SPTBN2: variants seen among roughly 807,000 people sequenced by gnomAD.
SPTBN2 encodes the protein spectrin beta, non-erythrocytic 2, also known as spectrin beta chain, non-erythrocytic 2.
A neutral mutation model predicts 284.2 loss-of-function variants in SPTBN2; 107 were observed. The observed-to-expected ratio is 0.38, with a 90% confidence interval of 0.32 to 0.44. The LOEUF is 0.44. SPTBN2 is among the 20% of genes least tolerant of loss of function. The pLI is 1.00. For synonymous variants in SPTBN2, 1,289 were observed against 1,354.8 expected, an observed-to-expected ratio of 0.95 and a Z score of 1.07; for missense variants, 2,569 against 3,287.1, an observed-to-expected ratio of 0.78 and a Z score of 5.34.
At chr11:66,699,720 G>A in intron 17 of SPTBN2, 112 bp from the exon 18 acceptor site, 2 of 1,098,866 alleles carry the variant, frequency 1.8e-6, no homozygotes, top group Admixed American at 1.8e-5. Flanking sequence ...CAGACAGGGA[G>A]GGTAGCCCAG....
rs1376794806 is a variant in SPTBN2, at chr11:66,704,850, T to C, written c.2426A>G (p.Gln809Arg). 6.2e-7 allele frequency: 1 copy of C among 1,609,492 alleles called. No homozygotes were observed. Among genetic ancestry groups the C allele is most frequent in the African/African-American group, 1.3e-5 (1 of 75,044 alleles). Residue 809 changes from glutamine (Q) to arginine (R), a missense_variant, in exon 15 of 38, where the codon CAG becomes CGG. By Grantham distance (43) the Gln-to-Arg change is conservative. This residue lies in a region of SPTBN2 where 1,012 missense variants were observed against 1,248.9 expected (regional missense o/e 0.81). Transcript: ENST00000533211. The stretch of plus-strand genomic sequence containing the variant: ...CAGTGTGGGGGGCAGGGCTGCTGCC[T>C]GTTCCCTCAAGGCGTCCAGGGTTGG... ...HRPTLDALREQAAALPPTLSR... is the reference protein window; with the variant it reads ...HRPTLDALRERAAALPPTLSR...
rs778639506 is a variant in SPTBN2 at position 66,700,515 on chromosome 11, T to C, written c.3573+11A>G. 1.2e-6 allele frequency: 2 copies of C among 1,602,312 alleles called. No individual in the cohort carries two copies. Among genetic ancestry groups the C allele is most frequent in the Non-Finnish European group, 1.7e-6 (2 of 1,179,962 alleles). Reference sequence around the variant, plus strand: ...CTTCCTCCTGCTTGGGACTTTGCCCTGGACTTTCACCTGGCTGCTGAGCAC... The same window carrying C: ...CTTCCTCCTGCTTGGGACTTTGCCCCGGACTTTCACCTGGCTGCTGAGCAC... On this transcript the variant is annotated intron_variant, in intron 17 of 37. Coordinates refer to ENST00000533211, the MANE Select transcript of SPTBN2 (RefSeq NM_006946.4). The surrounding 1 kb of genome is among the most constrained non-coding windows in gnomAD (Gnocchi z 6.6).
chr11:66,685,877 GTTC>G lies in SPTBN2; in HGVS notation c.7164_7166del (p.Lys2388del), dbSNP rs1295484758. 1.2e-6 allele frequency: 2 copies of G among 1,613,776 alleles called. No individual in the cohort carries two copies. Among genetic ancestry groups the G allele is most frequent in the Non-Finnish European group, 8.5e-7 (1 of 1,180,004 alleles). ...CCTGGGACCTTGCCCCCAACTACTT[GTTC>G]TTCTTAAAGAAGCTGAAGCGTTTTT... On this transcript the variant is annotated inframe_deletion, in exon 38 of 38. Transcript: ENST00000533211. The surrounding 1 kb of genome is among the most constrained non-coding windows in gnomAD (Gnocchi z 4.4).
rs998181506 is a variant in SPTBN2 at position 66,683,878 on chromosome 11, C to T, written c.*1993G>A. 2.0e-5 allele frequency among the ~76,000 whole-genome samples: 3 copies of T among 152,194 alleles called. No homozygotes were observed. Among genetic ancestry groups the T allele is most frequent in the African/African-American group, 7.2e-5 (3 of 41,448 alleles). ...GACTGTCTCTTCAGTGGAGATTTTA[C>T]AGTTGTATTTGAAGAAAAGATGCTG... On this transcript the variant is annotated 3_prime_UTR_variant, in exon 38 of 38. Coordinates refer to ENST00000533211, the MANE Select transcript of SPTBN2 (RefSeq NM_006946.4).
rs774925035 is a variant in SPTBN2 at position 66,704,973 on chromosome 11, C to T, written c.2303G>A (p.Arg768His). The T allele has an allele frequency of 3.1e-6, 5 of 1,608,098 alleles. No individual in the cohort carries two copies. The highest frequency in any genetic ancestry group is 4.2e-6 in the Non-Finnish European group (5 of 1,179,882). The change falls in exon 15 of 38, where the codon CGC (arginine) becomes CAC (histidine). Residue 768 changes from arginine (R) to histidine (H), a missense_variant. Transcript: ENST00000533211. The stretch of plus-strand genomic sequence containing the variant: ...CCCCAGCTCGGGGCTGGACACCAGG[C>T]GCAGTGCGTCAACCAACCAGGCCTC... ...DMEAWLVDAL[R>H]LVSSPELGHD...
upstream of SPTBN2, among the ~76,000 whole-genome samples, chr11:66,732,383 C>A (rs1023282171): frequency 6.6e-6 from 1 of 152,202 alleles, no homozygotes; most frequent in Non-Finnish European, 1.5e-5. Context: ...TGCAGTGGCT[C>A]ACGACTTTGT....
In SPTBN2 at chr11:66,684,462, C is replaced by A. The variant is rs968367580; in HGVS notation, c.*1409G>T. ...CGACCTGGGCAACATAGTGAGACCC[C>A]GTCTCTACAAAAAACAAACAGACTT... On this transcript the variant is annotated 3_prime_UTR_variant, in exon 38 of 38. Coordinates refer to ENST00000533211, the MANE Select transcript of SPTBN2 (RefSeq NM_006946.4). Among the ~76,000 whole-genome samples, 1 of 151,902 alleles carries A rather than the reference C, an allele frequency of 6.6e-6. No individual in the cohort carries two copies. Among genetic ancestry groups the A allele is most frequent in the East Asian group, 1.9e-4 (1 of 5,190 alleles).
chr11:66,728,987 T>C lies in SPTBN2; in HGVS notation c.-360A>G, dbSNP rs990365227. The C allele has an allele frequency of 6.6e-6, 1 of 151,032 alleles. No individual in the cohort carries two copies. The highest frequency in any genetic ancestry group is 1.5e-5 in the Non-Finnish European group (1 of 68,022). The allele number at this position is 151,032 out of a possible 1,614,324, so 9.4% of individuals were successfully genotyped here. ...CATGGCACAGTGAAGATTCGTCTTC[T>C]ACAGATCAGATGCTCCAAACAGGCA... On this transcript the variant is annotated 5_prime_UTR_variant, in exon 1 of 38. Transcript: ENST00000533211.
In SPTBN2 at chr11:66,710,005, C is replaced by T. The variant is rs755612783; in HGVS notation, c.1073+577G>A. 4.6e-5 allele frequency among the ~76,000 whole-genome samples: 7 copies of T among 152,186 alleles called. No individual in the cohort carries two copies. Among genetic ancestry groups the T allele is most frequent in the South Asian group, 2.1e-4 (1 of 4,820 alleles). On this transcript the variant is annotated intron_variant, in intron 10 of 37. Coordinates refer to ENST00000533211, the MANE Select transcript of SPTBN2 (RefSeq NM_006946.4). The surrounding 1 kb of genome is among the most constrained non-coding windows in gnomAD (Gnocchi z 4.9). ...TGATCAGTAATCTTATCTGATGGAT[C>T]GCACTGACTCAACACATCATAGCAA...
rs1940702102 is a variant in SPTBN2, at chr11:66,693,451, C to T, written c.4594-5G>A. ...CTGAATCTCTTTCTGCAGGGTCTGCCCATGGCCACAGAAGAGAAAATGCTG... is the reference window on the plus strand; with the variant it reads ...CTGAATCTCTTTCTGCAGGGTCTGCTCATGGCCACAGAAGAGAAAATGCTG... On this transcript the variant is annotated splice_region_variant and splice_polypyrimidine_tract_variant and intron_variant, in intron 23 of 37. Transcript: ENST00000533211. This position sits in a 1 kb window ranked among gnomAD's most constrained non-coding sequence, Gnocchi z 5.7. 2 of 1,597,840 alleles carry T rather than the reference C, an allele frequency of 1.3e-6. No homozygotes were observed. The highest frequency in any genetic ancestry group is 1.7e-6 in the Non-Finnish European group (2 of 1,179,284).
chr11:66,688,505 T>C, intron 31 of SPTBN2, 148 bp downstream of exon 31: 2 of 1,433,186 alleles, frequency 1.4e-6, no homozygotes, highest in Admixed American at 2.0e-5. Flanking sequence ...TGACACCTCC[T>C]AAAGGTGTGG....
intron 26 of SPTBN2, 147 bp downstream of exon 26, chr11:66,692,388 TA>T (rs2135349181): frequency 1.1e-6 from 1 of 901,694 alleles, no homozygotes; most frequent in East Asian, 2.6e-5. Context: ...TCAAATCATA[TA>T]CCTCAAAACC....
intron 1 of SPTBN2, among the ~76,000 whole-genome samples, chr11:66,740,800 G>A (rs536537962): frequency 2.6e-5 from 4 of 152,220 alleles, no homozygotes; most frequent in South Asian, 2.1e-4. Context: ...TTGGAAAGGC[G>A]GACCTCAAGG....
At position 66,710,710 on chromosome 11, in the gene SPTBN2, C is replaced by T. The variant is rs758056414; in HGVS notation, c.945G>A (p.Ser315=). 8.1e-6 allele frequency: 13 copies of T among 1,614,056 alleles called. No individual in the cohort carries two copies. Among genetic ancestry groups the T allele is most frequent in the South Asian group, 2.2e-5 (2 of 91,088 alleles). Residue 315 remains serine (S), a synonymous_variant, in exon 10 of 38, where the codon TCG becomes TCA. Coordinates refer to ENST00000533211, the MANE Select transcript of SPTBN2 (RefSeq NM_006946.4). This position sits in a 1 kb window ranked among gnomAD's most constrained non-coding sequence, Gnocchi z 4.9. The part of the protein sequence containing the change: ...RLVEKYESLA[S]ELLQWIEQTI... ...TTTGCTCGATCCACTGCAGCAGCTC[C>T]GAGGCCAGGGACTCGTATTTCTCCA...
At position 66,684,463 on chromosome 11, in the gene SPTBN2, G is replaced by A. The variant is rs1385040755; in HGVS notation, c.*1408C>T. 4.6e-5 allele frequency among the ~76,000 whole-genome samples: 7 copies of A among 151,948 alleles called. No individual in the cohort carries two copies. The highest frequency in any genetic ancestry group is 1.0e-4 in the Non-Finnish European group (7 of 67,978). On this transcript the variant is annotated 3_prime_UTR_variant, in exon 38 of 38. Transcript: ENST00000533211. The stretch of plus-strand genomic sequence containing the variant: ...GACCTGGGCAACATAGTGAGACCCC[G>A]TCTCTACAAAAAACAAACAGACTTA...
chr11:66,722,339 C>T (rs958536931), intron 1 of SPTBN2, among the ~76,000 whole-genome samples: 1 of 151,804 alleles, frequency 6.6e-6, no homozygotes, highest in Non-Finnish European at 1.5e-5. Context: ...CTTTGGGAGG[C>T]CAAGGCGGGC....
Position 66,728,090 on chromosome 11 carries a change from G to T in SPTBN2, c.-114+651C>A. The T allele has an allele frequency of 2.0e-5, 3 of 147,132 alleles. No individual in the cohort carries two copies. In the South Asian group the frequency reaches 5.6e-4, roughly 28 times the overall value. The allele number at this position is 147,132 out of a possible 1,614,324, so 9.1% of individuals were successfully genotyped here. ...CCCCGACCCCGACCCCGACCCCGCCGACCGCACGCGGCCGGACAAAGCGCG... is the reference window on the plus strand; with the variant it reads ...CCCCGACCCCGACCCCGACCCCGCCTACCGCACGCGGCCGGACAAAGCGCG... On this transcript the variant is annotated intron_variant, in intron 1 of 37. Transcript: ENST00000533211.
rs754316304 is a variant in SPTBN2, at chr11:66,694,302, T to C, written c.4340A>G (p.Lys1447Arg). ...KEVEAIQAQA[K>R]ALAQEDQGAG... is the part of the protein sequence containing the mutation. ...ACCCTGGTCCTCCTGGGCCAGTGCT[T>C]TGGCCTGGGCCTGGATTGCCTCCAC... The change falls in exon 22 of 38, where the codon AAA becomes AGA. Residue 1447 changes from lysine (K) to arginine (R), a missense_variant. Around this residue, in one of 6 missense-constraint regions of SPTBN2, gnomAD observed 1,130 missense variants for 1,317.3 expected, o/e 0.86. Transcript: ENST00000533211. The C allele has an allele frequency of 6.2e-7, 1 of 1,614,230 alleles. No individual in the cohort carries two copies. The highest frequency in any genetic ancestry group is 2.2e-5 in the East Asian group (1 of 44,888).
rs748586693 is a variant in SPTBN2, at chr11:66,688,325, C to A, written c.6232-14G>T. ...CCGCTCCTCTAGCTGTCAAAAAATG[C>A]TGCATTCAGCGTGTAGAAGGTTGCG... On this transcript the variant is annotated splice_polypyrimidine_tract_variant and intron_variant, in intron 31 of 37. Coordinates refer to ENST00000533211, the MANE Select transcript of SPTBN2 (RefSeq NM_006946.4). The A allele has an allele frequency of 1.3e-6, 2 of 1,569,282 alleles. No individual in the cohort carries two copies. The highest frequency in any genetic ancestry group is 3.8e-5 in the Admixed American group (2 of 53,022).
Sources: gnomAD v4.1 joint callset for allele counts (sites outside exome capture counted in the v4.1 genomes callset) on GRCh38, gnomAD v4.1.1 for gene constraint, gnomAD v4.1.1 regional missense constraint, Gnocchi (gnomAD v3.1) non-coding constraint, MANE v1.5 for transcripts, NCBI Gene and HGNC (gene_info 2026-07-23, HGNC 2026-07-21) for gene names.